The following LAMB1 variants were observed in gnomAD, a reference collection of about 807,000 sequenced individuals.
LAMB1 encodes the protein laminin subunit beta-1.
Under a neutral mutation model 222.3 loss-of-function variants are expected in LAMB1, and 121 were observed. The observed-to-expected ratio is 0.54, with a 90% CI of 0.47 to 0.63. LAMB1 has a LOEUF of 0.63. Ranked by LOEUF, LAMB1 falls within the 30% of genes least tolerant of loss-of-function variation. LAMB1 has a pLI of 0.00. For synonymous variants in LAMB1, 794 were observed against 807.2 expected, an observed-to-expected ratio of 0.98 and a Z score of 0.28; for missense variants, 2,172 against 2,240.8, an observed-to-expected ratio of 0.97 and a Z score of 0.62.
At position 108,001,430 on chromosome 7, in the gene LAMB1, G is replaced by A. The variant is rs576744858; in HGVS notation, c.213+128C>T. 1.8e-5 allele frequency: 19 copies of A among 1,040,170 alleles called. No individual in the cohort carries two copies. The Admixed American group carries it at 5.3e-4, about 29-fold the overall frequency. 64.4% of individuals were successfully genotyped at this position (1,040,170 alleles called of 1,614,324 possible). A position where few individuals can be genotyped will look rare whatever the true frequency, so the allele number is the denominator to read the frequency against. ...AAGGTTGAGCTACAAGCCTAATCCC[G>A]GGACTCCCCGGCTGGCTGCGCTTCC... is the stretch of plus-strand genomic sequence containing the variant. On this transcript the variant is annotated intron_variant, in intron 3 of 33. Transcript: ENST00000222399.
rs547786966 is a variant in LAMB1, at chr7:107,964,396, A to G, written c.1698+156T>C. On this transcript the variant is annotated intron_variant, in intron 14 of 33. Transcript: ENST00000222399. ...GTTATAGAATTACTTAGCTTTAAAT[A>G]TGACTCTTCTCAGGAAGGCATGGTC... 2.0e-5 allele frequency among the ~76,000 whole-genome samples: 3 copies of G among 152,346 alleles called. No homozygotes were observed. In the South Asian group the frequency reaches 6.2e-4, roughly 32 times the overall value.
At chr7:107,972,284 C>G (rs1372508251) in intron 13 of LAMB1, among the ~76,000 whole-genome samples, 5 of 152,180 alleles carry the variant, frequency 3.3e-5, no homozygotes, top group Non-Finnish European at 7.3e-5. Flanking sequence ...GTACATGAAG[C>G]TTGCTCAATG....
chr7:107,974,823 T>G (rs2033818808), intron 12 of LAMB1, among the ~76,000 whole-genome samples, 163 bp downstream of exon 12: 1 of 152,256 alleles, frequency 6.6e-6, no homozygotes, highest in Non-Finnish European at 1.5e-5. Flanking sequence ...GAACATCTTG[T>G]GAAATCATCC....
intron 7 of LAMB1, among the ~76,000 whole-genome samples, chr7:107,983,885 T>G (rs2150445104): frequency 6.6e-6 from 1 of 152,284 alleles, no homozygotes; most frequent in South Asian, 2.1e-4. Context: ...TAAGAGCAGT[T>G]GTTGAATGTG....
rs74749459 is a variant in LAMB1, at chr7:107,935,282, T to C, written c.4188+133A>G. Reference sequence around the variant, plus strand: ...GGATCCAGAGACCTCAGCCTAGGAGTTTCAGTCCTGCTGATTCATTTGCAA... The same window carrying C: ...GGATCCAGAGACCTCAGCCTAGGAGCTTCAGTCCTGCTGATTCATTTGCAA... On this transcript the variant is annotated intron_variant, in intron 27 of 33. Coordinates refer to ENST00000222399, the MANE Select transcript of LAMB1 (RefSeq NM_002291.3). 1,413 of 1,369,594 alleles carry C rather than the reference T, an allele frequency of 1.0e-3. 16 individuals are homozygous for C. The Admixed American group carries it at 0.019, about 19-fold the overall frequency. The allele number at this position is 1,369,594 out of a possible 1,614,324, so 84.8% of individuals were successfully genotyped here.
intron 24 of LAMB1, 186 bp downstream of exon 24, chr7:107,951,040 T>TA (rs1358220870): frequency 1.8e-6 from 1 of 561,316 alleles, no homozygotes; most frequent in Non-Finnish European, 3.2e-6. Context: ...TACCTATACT[T>TA]ATGGGCAGGG....
At chr7:107,936,633 A>G (rs984215765) in intron 26 of LAMB1, among the ~76,000 whole-genome samples, 2 of 152,308 alleles carry the variant, frequency 1.3e-5, no homozygotes, top group Non-Finnish European at 2.9e-5. Context: ...ATGATGTAAC[A>G]TATTTCTACA....
intron 7 of LAMB1, among the ~76,000 whole-genome samples, chr7:107,983,655 C>T (rs1387988333): frequency 2.0e-5 from 3 of 147,020 alleles, no homozygotes; most frequent in South Asian, 2.2e-4. Context: ...CGGGTTCAAG[C>T]GACAGGCACG....
At chr7:107,932,454 G>A in intron 27 of LAMB1, 77 bp from the exon 28 acceptor site, 1 of 1,450,516 alleles carries the variant, frequency 6.9e-7, no homozygotes, top group Non-Finnish European at 9.7e-7. Flanking sequence ...CAGGGCCTGG[G>A]TGGCCCCAGA....
Position 107,994,907 on chromosome 7 carries a change from G to T in LAMB1, c.403C>A (p.His135Asn). ...CTTACCTTGAAAGTCATTATGAGAT[G>T]AGTAAAATGGAATTCTGCTTCCAAA... ...LDLEAEFHFT[H>N]LIMTFKTFRP... Residue 135 changes from histidine to asparagine, a missense_variant, in exon 5 of 34, where the codon CAT (histidine) becomes AAT (asparagine). Coordinates refer to ENST00000222399, the MANE Select transcript of LAMB1 (RefSeq NM_002291.3). 2 of 1,597,910 alleles carry T rather than the reference G, an allele frequency of 1.3e-6. No homozygotes were observed. Among genetic ancestry groups the T allele is most frequent in the South Asian group, 1.1e-5 (1 of 90,588 alleles).
At chr7:107,983,045 A>C (rs936706592) in intron 7 of LAMB1, among the ~76,000 whole-genome samples, 3 of 152,176 alleles carry the variant, frequency 2.0e-5, no homozygotes, top group Non-Finnish European at 4.4e-5. Flanking sequence ...GTTTTTCATA[A>C]CTGCATTTTG....
intron 25 of LAMB1, among the ~76,000 whole-genome samples, chr7:107,939,274 G>C (rs1404357451): frequency 6.6e-6 from 1 of 152,032 alleles, no homozygotes; most frequent in Non-Finnish European, 1.5e-5. Flanking sequence ...GTAGATAAAT[G>C]ATCCTTGAGA....
intron 13 of LAMB1, among the ~76,000 whole-genome samples, chr7:107,968,560 G>A (rs905913279): frequency 3.3e-5 from 5 of 152,154 alleles, no homozygotes; most frequent in African/African-American, 1.2e-4. Flanking sequence ...CTTAAAAGTG[G>A]GAGAGGCAGG....
chr7:108,001,795 A>G, intron 2 of LAMB1, 62 bp from the exon 3 acceptor site: 1 of 1,591,782 alleles, frequency 6.3e-7, no homozygotes, highest in Non-Finnish European at 8.6e-7. Flanking sequence ...CCCGAAAAAA[A>G]CGAACAAGCG....
chr7:107,924,699 T>G (rs902300119), intron 32 of LAMB1, among the ~76,000 whole-genome samples: 3 of 152,172 alleles, frequency 2.0e-5, no homozygotes, highest in Admixed American at 1.3e-4. Context: ...GAAGCGCAGA[T>G]TTTTCAAAAG....
intron 24 of LAMB1, among the ~76,000 whole-genome samples, chr7:107,944,175 T>C (rs1286645533): frequency 1.3e-5 from 2 of 152,244 alleles, no homozygotes; most frequent in African/African-American, 4.8e-5. Context: ...GCTGGATTCA[T>C]GCTTGGGGCA....
At chr7:107,940,506 G>A in intron 24 of LAMB1, 148 bp from the exon 25 acceptor site, 1 of 765,830 alleles carries the variant, frequency 1.3e-6, no homozygotes, top group Admixed American at 2.8e-5. Flanking sequence ...AGAGACTGTA[G>A]CAGCTTCCTC....
At chr7:107,964,393 AAT>A (rs1286060420) in intron 14 of LAMB1, among the ~76,000 whole-genome samples, 157 bp downstream of exon 14, 2 of 152,232 alleles carry the variant, frequency 1.3e-5, no homozygotes, top group African/African-American at 4.8e-5. Context: ...CTTAGCTTTA[AAT>A]ATGACTCTTC....
At chr7:107,935,314 GTAA>G in intron 27 of LAMB1, 98 bp downstream of exon 27, 3 of 1,488,102 alleles carry the variant, frequency 2.0e-6, no homozygotes, top group Non-Finnish European at 2.7e-6. Context: ...GCAAATTATT[GTAA>G]TAATGACAAA....
Sources: allele counts gnomAD v4.1 joint callset (sites outside exome capture counted in the v4.1 genomes callset), GRCh38; gene constraint gnomAD v4.1.1; transcripts MANE v1.5; gene names NCBI Gene and HGNC (gene_info 2026-07-23, HGNC 2026-07-21).